GPBP1: variants seen among roughly 807,000 people sequenced by gnomAD.
GPBP1 encodes the protein GC-rich promoter binding protein 1, also known as vasculin.
GPBP1 carries 13 observed loss-of-function variants against 56.5 expected under a neutral mutation model. That is an observed-to-expected ratio of 0.23 (90% confidence interval 0.15 to 0.37). GPBP1 has a LOEUF of 0.37. Ranked by LOEUF, GPBP1 falls within the 10% of genes least tolerant of loss-of-function variation. The probability of loss-of-function intolerance (pLI) is 1.00; values close to 1 mark genes in which losing one functional copy is unlikely to be tolerated. For missense variants in GPBP1, 477 were observed against 572.3 expected (o/e 0.83, Z 1.70); for synonymous variants, 204 against 188.9 (o/e 1.08, Z -0.66).
intron 10 of GPBP1, among the ~76,000 whole-genome samples, chr5:57,255,769 C>T (rs960243462): frequency 3.3e-5 from 5 of 152,166 alleles, no homozygotes; most frequent in African/African-American, 1.2e-4. Flanking sequence ...ATAGACATAT[C>T]TAATGTTTAA....
At chr5:57,211,408 C>G (rs1755470842) in intron 2 of GPBP1, among the ~76,000 whole-genome samples, 1 of 152,130 alleles carries the variant, frequency 6.6e-6, no homozygotes, top group South Asian at 2.1e-4. Context: ...AGGCCGGCCT[C>G]AATCTCCTGG....
chr5:57,228,860 T>C (rs191238632), intron 3 of GPBP1, among the ~76,000 whole-genome samples: 1 of 151,644 alleles, frequency 6.6e-6, no homozygotes, highest in East Asian at 1.9e-4. Context: ...AGTATAGATA[T>C]ACATGTGCAT....
In GPBP1 at chr5:57,219,433, A is replaced by AAAAAAAAAAACAG. The variant is rs753075871; in HGVS notation, c.63+5240_63+5241insAAAAAAAAAACAG. ...AAACAAACAAACAAAAAAAAAAACAACAAAACCACACACACAAAAAACAAA... is the reference window on the plus strand; with the variant it reads ...AAACAAACAAACAAAAAAAAAAACAAAAAAAAAAAACAGCAAAACCACACACACAAAAAACAAA... On this transcript the variant is annotated intron_variant, in intron 3 of 11. Transcript: ENST00000506184. 9.6e-4 allele frequency among the ~76,000 whole-genome samples: 105 copies of AAAAAAAAAAACAG among 109,488 alleles called. 3 individuals carry two copies. Among genetic ancestry groups the AAAAAAAAAAACAG allele is most frequent in the Non-Finnish European group, 1.2e-3 (65 of 55,768 alleles). 71.8% of individuals were successfully genotyped at this position (109,488 alleles called of 152,430 possible).
chr5:57,208,079 A>G (rs1401482017), intron 2 of GPBP1, among the ~76,000 whole-genome samples: 1 of 151,808 alleles, frequency 6.6e-6, no homozygotes, highest in Non-Finnish European at 1.5e-5. Context: ...CCTCACCTAG[A>G]TCCGTGGGCA....
At chr5:57,229,586 A>T (rs192971937) in intron 3 of GPBP1, among the ~76,000 whole-genome samples, 227 of 150,850 alleles carry the variant, frequency 1.5e-3, no homozygotes, top group Middle Eastern at 6.8e-3. Flanking sequence ...TCTGGAGTAC[A>T]GTTGTGTCAT....
At chr5:57,197,115 T>C (rs1431446878) in intron 2 of GPBP1, among the ~76,000 whole-genome samples, 3 of 152,160 alleles carry the variant, frequency 2.0e-5, no homozygotes, top group Non-Finnish European at 4.4e-5. Context: ...CGTTTCACTA[T>C]GTTGCCCAGG....
chr5:57,181,264 A>G (rs1294143368), intron 2 of GPBP1, among the ~76,000 whole-genome samples: 2 of 152,074 alleles, frequency 1.3e-5, no homozygotes, highest in South Asian at 2.1e-4. Flanking sequence ...GAGCCTAGGA[A>G]GTCGAGATGG....
At chr5:57,185,277 T>TTTTTTTTTAA (rs1174434160) in intron 2 of GPBP1, among the ~76,000 whole-genome samples, 1 of 148,814 alleles carries the variant, frequency 6.7e-6, no homozygotes, top group African/African-American at 2.5e-5. Context: ...TTTTTTTTTT[T>TTTTTTTTTAA]AAAGACAGAG....
At chr5:57,246,219 A>C in intron 6 of GPBP1, 81 bp from the exon 7 acceptor site, 1 of 1,134,230 alleles carries the variant, frequency 8.8e-7, no homozygotes, top group Non-Finnish European at 1.2e-6. Context: ...AAAATTTGGA[A>C]TATACTGTTC....
chr5:57,202,580 T>A (rs2111704389), intron 2 of GPBP1, among the ~76,000 whole-genome samples: 1 of 152,272 alleles, frequency 6.6e-6, no homozygotes, highest in Middle Eastern at 3.4e-3. Context: ...TGAGCCACCG[T>A]GCCCAGCAGC....
In GPBP1 at chr5:57,174,368, G is replaced by A. The variant is rs144409314; in HGVS notation, c.-1011+157G>A. Among the ~76,000 whole-genome samples, 37 of 152,232 alleles carry A rather than the reference G, an allele frequency of 2.4e-4. No homozygotes were observed. The East Asian group carries it at 5.2e-3, about 21-fold the overall frequency. On this transcript the variant is annotated intron_variant, in intron 1 of 11. Coordinates refer to ENST00000506184, the MANE Select transcript of GPBP1 (RefSeq NM_022913.4). Reference sequence around the variant, plus strand: ...GGCGAGAAGCAAGGAGTGAGAGGGGGGAGAGGCGCAGATAGGCCCCTCTAG... The same window carrying A: ...GGCGAGAAGCAAGGAGTGAGAGGGGAGAGAGGCGCAGATAGGCCCCTCTAG...
rs371088587 is a variant in GPBP1, at chr5:57,236,006, A to G, written c.452A>G (p.Asn151Ser). 3.7e-6 allele frequency: 6 copies of G among 1,611,590 alleles called. No individual in the cohort carries two copies. The highest frequency in any genetic ancestry group is 3.3e-5 in the Admixed American group (2 of 59,964). ...NPEYEREPNH[N>S]KSLAAGVWEY... The stretch of plus-strand genomic sequence containing the variant: ...GAGTATGAGAGAGAACCAAATCACA[A>G]TAAGTCTTTAGCTGCAGGTGTGTGG... The change falls in exon 6 of 12, where the codon AAT becomes AGT. Residue 151 changes from asparagine to serine, a missense_variant. Asn to Ser is a conservative substitution (Grantham distance 46). This residue lies in a region of GPBP1 where 414 missense variants were observed against 458.2 expected (regional missense o/e 0.90). Coordinates refer to ENST00000506184, the MANE Select transcript of GPBP1 (RefSeq NM_022913.4).
At chr5:57,179,291 A>T (rs1406938416) in intron 2 of GPBP1, among the ~76,000 whole-genome samples, 1 of 152,198 alleles carries the variant, frequency 6.6e-6, no homozygotes, top group Non-Finnish European at 1.5e-5. Context: ...ACTAAGAGAT[A>T]TTACTGTTTT....
chr5:57,251,972 C>T (rs192136981), intron 10 of GPBP1, among the ~76,000 whole-genome samples: 59 of 152,238 alleles, frequency 3.9e-4, no homozygotes, highest in Admixed American at 1.2e-3. Context: ...AGAGAAATAA[C>T]TGTATAAATA....
At chr5:57,217,797 C>G (rs1469968156) in intron 3 of GPBP1, among the ~76,000 whole-genome samples, 1 of 152,144 alleles carries the variant, frequency 6.6e-6, no homozygotes, top group Admixed American at 6.6e-5. Context: ...GCTGGAGAAT[C>G]TCTTGAGGCC....
chr5:57,199,529 C>T (rs1164827019), intron 2 of GPBP1, among the ~76,000 whole-genome samples: 1 of 151,790 alleles, frequency 6.6e-6, no homozygotes, highest in South Asian at 2.1e-4. Flanking sequence ...GATTTCTTTT[C>T]TTTTCTTTTT....
chr5:57,217,584 CAAAAAACACA>C (rs1561346873), intron 3 of GPBP1, among the ~76,000 whole-genome samples: 4 of 151,662 alleles, frequency 2.6e-5, no homozygotes, highest in African/African-American at 9.7e-5. Flanking sequence ...AACAAACAAA[CAAAAAACACA>C]AAAAAACACA....
chr5:57,249,679 A>G, intron 9 of GPBP1, 103 bp downstream of exon 9: 1 of 974,940 alleles, frequency 1.0e-6, no homozygotes, highest in Non-Finnish European at 1.4e-6. Context: ...TTCCTTGGAA[A>G]GAAACTTGGA....
chr5:57,179,767 A>G (rs181000497), intron 2 of GPBP1, among the ~76,000 whole-genome samples: 2 of 152,076 alleles, frequency 1.3e-5, no homozygotes, highest in Non-Finnish European at 2.9e-5. Flanking sequence ...GGCCTGGCTA[A>G]TATTGTATTT....
Sources: gnomAD v4.1 joint callset for allele counts (sites outside exome capture counted in the v4.1 genomes callset) on GRCh38, gnomAD v4.1.1 for gene constraint, gnomAD v4.1.1 regional missense constraint, MANE v1.5 for transcripts, NCBI Gene and HGNC (gene_info 2026-07-23, HGNC 2026-07-21) for gene names.